DNM3: variants seen among roughly 807,000 people sequenced by gnomAD.
DNM3 encodes dynamin 3, also known as dynamin-3.
DNM3 carries 47 observed loss-of-function variants against 101.6 expected under a neutral mutation model. The observed-to-expected ratio is 0.46, with a 90% CI of 0.37 to 0.59. The LOEUF is 0.59. DNM3 is among the 20% of genes least tolerant of loss of function. DNM3 has a pLI of 0.00. For missense variants in DNM3, 849 were observed against 1,085.7 expected (o/e 0.78, Z 3.06); for synonymous variants, 385 against 387.9 (o/e 0.99, Z 0.09).
At position 172,409,569 on chromosome 1, in the gene DNM3, A is replaced by G. The variant is rs1201099722; in HGVS notation, c.*1728A>G. On this transcript the variant is annotated 3_prime_UTR_variant, in exon 21 of 21. Coordinates refer to ENST00000627582, the MANE Select transcript of DNM3 (RefSeq NM_015569.5). ...ACATCACAATCCTAAATCCTCTCGT[A>G]TCTCACCCCAAACCCCAAACTGGGG... The G allele has an allele frequency of 2.0e-6, 2 of 985,244 alleles. No homozygotes were observed. Among genetic ancestry groups the G allele is most frequent in the African/African-American group, 3.5e-5 (2 of 57,222 alleles). The allele number at this position is 985,244 out of a possible 1,614,324, so 61.0% of individuals were successfully genotyped here. A position where few individuals can be genotyped will look rare whatever the true frequency, so the allele number is the denominator to read the frequency against.
intron 1 of DNM3, among the ~76,000 whole-genome samples, chr1:171,859,482 A>G (rs2033958164): frequency 6.6e-6 from 1 of 152,172 alleles, no homozygotes; most frequent in African/African-American, 2.4e-5. Flanking sequence ...TAATTTCTGA[A>G]TAATTATTCA....
chr1:171,906,547 G>A (rs182017552), intron 1 of DNM3, among the ~76,000 whole-genome samples: 2 of 151,884 alleles, frequency 1.3e-5, no homozygotes, highest in Non-Finnish European at 1.5e-5. Flanking sequence ...CACTGATAAT[G>A]TACTTTAACT....
At chr1:172,167,263 G>T (rs2058782260) in intron 14 of DNM3, among the ~76,000 whole-genome samples, 1 of 151,970 alleles carries the variant, frequency 6.6e-6, no homozygotes, top group Non-Finnish European at 1.5e-5. Flanking sequence ...CCTTTTTTAT[G>T]GCTGCATAGT....
intron 4 of DNM3, among the ~76,000 whole-genome samples, chr1:172,026,192 G>A (rs182322817): frequency 6.4e-4 from 98 of 151,958 alleles, no homozygotes; most frequent in Middle Eastern, 3.4e-3. Flanking sequence ...TCAATCAAGC[G>A]GAAGAAAGGA....
intron 14 of DNM3, among the ~76,000 whole-genome samples, chr1:172,218,340 A>G (rs2060780113): frequency 6.7e-6 from 1 of 148,984 alleles, no homozygotes; most frequent in Non-Finnish European, 1.5e-5. Context: ...GTACATGAAG[A>G]TTTTTTTTTT....
At chr1:172,339,921 C>G (rs985939369) in intron 17 of DNM3, among the ~76,000 whole-genome samples, 2 of 152,086 alleles carry the variant, frequency 1.3e-5, no homozygotes, top group Non-Finnish European at 2.9e-5. Context: ...TGCATGACAC[C>G]TGATTTGTGA....
At chr1:172,177,646 G>C (rs1347024721) in intron 14 of DNM3, among the ~76,000 whole-genome samples, 1 of 151,894 alleles carries the variant, frequency 6.6e-6, no homozygotes, top group Non-Finnish European at 1.5e-5. Context: ...ATGAGAGTAA[G>C]AGTTAGGGAT....
intron 15 of DNM3, among the ~76,000 whole-genome samples, chr1:172,306,526 C>G (rs142320816): frequency 2.1e-4 from 32 of 152,270 alleles, no homozygotes; most frequent in African/African-American, 7.2e-4. Context: ...TGGAAAAAAA[C>G]CACTTTAAAG....
At chr1:172,360,425 T>C (rs958987377) in intron 17 of DNM3, among the ~76,000 whole-genome samples, 5 of 152,092 alleles carry the variant, frequency 3.3e-5, no homozygotes, top group Admixed American at 3.3e-4. Flanking sequence ...ACTTTATAGA[T>C]AGTATCCTAC....
intron 13 of DNM3, among the ~76,000 whole-genome samples, chr1:172,127,360 T>G (rs2056687915): frequency 6.6e-6 from 1 of 150,712 alleles, no homozygotes; most frequent in Non-Finnish European, 1.5e-5. Context: ...TCCTCTTTAT[T>G]GTATCGCCAA....
intron 15 of DNM3, among the ~76,000 whole-genome samples, chr1:172,270,275 C>G (rs767086734): frequency 6.7e-6 from 1 of 148,198 alleles, no homozygotes. Flanking sequence ...AAAAAAAAAG[C>G]CTTTAAGCCA....
At chr1:172,110,093 T>TTAGATAAAGGAGTATAAAGGAATAATG (rs2055352636) in intron 13 of DNM3, among the ~76,000 whole-genome samples, 1 of 152,224 alleles carries the variant, frequency 6.6e-6, no homozygotes, top group South Asian at 2.1e-4. Flanking sequence ...AAGATAAAGT[T>TTAGATAAAGGAGTATAAAGGAATAATG]CTAACATTCA....
intron 4 of DNM3, among the ~76,000 whole-genome samples, chr1:172,019,001 T>C (rs2047640853): frequency 2.4e-5 from 3 of 123,784 alleles, no homozygotes; most frequent in Admixed American, 1.7e-4. Context: ...CCCTCCCTCC[T>C]TCCTTCGCCC....
chr1:172,027,270 G>T (rs1465267722), intron 4 of DNM3, among the ~76,000 whole-genome samples: 1 of 151,996 alleles, frequency 6.6e-6, no homozygotes, highest in Admixed American at 6.6e-5. Context: ...TGTAATAAAA[G>T]GGTTAAATCA....
intron 16 of DNM3, among the ~76,000 whole-genome samples, chr1:172,314,346 T>C (rs1456595096): frequency 6.6e-6 from 1 of 152,006 alleles, no homozygotes; most frequent in Non-Finnish European, 1.5e-5. Context: ...CCATCTGAGG[T>C]AGCAGGTTCA....
intron 2 of DNM3, among the ~76,000 whole-genome samples, chr1:171,951,785 A>C (rs968348827): frequency 2.6e-5 from 4 of 152,168 alleles, no homozygotes; most frequent in African/African-American, 7.2e-5. Context: ...AGCCCATATT[A>C]ATGACTATAG....
intron 17 of DNM3, among the ~76,000 whole-genome samples, chr1:172,370,757 C>T (rs1005047574): frequency 6.6e-6 from 1 of 151,972 alleles, no homozygotes; most frequent in Non-Finnish European, 1.5e-5. Flanking sequence ...AGCAACTGGT[C>T]TAACTCCATA....
At chr1:171,998,452 G>A (rs1174862144) in intron 4 of DNM3, among the ~76,000 whole-genome samples, 2 of 152,028 alleles carry the variant, frequency 1.3e-5, no homozygotes, top group South Asian at 2.1e-4. Flanking sequence ...TTCCATATCA[G>A]TTTTTAATGT....
intron 4 of DNM3, among the ~76,000 whole-genome samples, chr1:171,995,023 G>A (rs551775270): frequency 6.0e-5 from 9 of 150,004 alleles, no homozygotes; most frequent in African/African-American, 2.2e-4. Flanking sequence ...CAAGGCTACT[G>A]TAGAGATGAG....
Sources: gnomAD v4.1 joint callset for allele counts (sites outside exome capture counted in the v4.1 genomes callset) on GRCh38, gnomAD v4.1.1 for gene constraint, MANE v1.5 for transcripts, NCBI Gene and HGNC (gene_info 2026-07-23, HGNC 2026-07-21) for gene names.